Variants in TBL1X observed in about 807,000 individuals in gnomAD.
TBL1X encodes F-box-like/WD repeat-containing protein TBL1X.
Under a neutral mutation model 50.7 loss-of-function variants are expected in TBL1X, and 10 were observed. The observed-to-expected ratio is 0.20, with a 90% CI of 0.12 to 0.33. TBL1X has a LOEUF of 0.33. Ranked by LOEUF, TBL1X falls within the 10% of genes least tolerant of loss-of-function variation. The pLI, the probability that TBL1X is intolerant of heterozygous loss-of-function variation, is 1.00. For missense variants in TBL1X, 340 were observed against 504.4 expected (o/e 0.67, Z 3.12); for synonymous variants, 190 against 214.7 (o/e 0.88, Z 1.01).
chrX:9,492,479 T>G (rs2081949487), intron 1 of TBL1X, among the ~76,000 whole-genome samples: 1 of 112,145 alleles, frequency 8.9e-6, no homozygotes, highest in Non-Finnish European at 1.9e-5. Flanking sequence ...GACTAACAGT[T>G]TCAGATGTCA....
chrX:9,569,185 A>G (rs986493707), intron 2 of TBL1X, among the ~76,000 whole-genome samples: 33 of 93,314 alleles, frequency 3.5e-4, no homozygotes, highest in Admixed American at 1.2e-3. Flanking sequence ...TGTTGTGTCT[A>G]TCTGTGCAGT....
At chrX:9,641,995 C>G (rs181652499) in intron 3 of TBL1X, among the ~76,000 whole-genome samples, 24 of 111,936 alleles carry the variant, frequency 2.1e-4, no homozygotes, top group African/African-American at 7.8e-4. Flanking sequence ...TATGGTACCT[C>G]TGTTGAACAT....
chrX:9,553,601 T>C (rs2082281098), intron 2 of TBL1X, among the ~76,000 whole-genome samples: 1 of 111,527 alleles, frequency 9.0e-6, no homozygotes, highest in Admixed American at 9.5e-5. Context: ...CTGGGACTTT[T>C]GCTAACTGTT....
At chrX:9,708,230 C>T (rs1161734319) in intron 13 of TBL1X, among the ~76,000 whole-genome samples, 1 of 111,845 alleles carries the variant, frequency 8.9e-6, no homozygotes, top group South Asian at 3.8e-4. Flanking sequence ...TCCCTTGGCC[C>T]CTGGGTACAT....
At chrX:9,511,933 TC>T (rs1055226105) in intron 2 of TBL1X, among the ~76,000 whole-genome samples, 3 of 111,599 alleles carry the variant, frequency 2.7e-5, no homozygotes, top group African/African-American at 9.8e-5. Flanking sequence ...CGATCTCAGG[TC>T]ACTGCAGCCT....
At chrX:9,542,370 A>G (rs959185328) in intron 2 of TBL1X, among the ~76,000 whole-genome samples, 2 of 111,342 alleles carry the variant, frequency 1.8e-5, no homozygotes, top group Non-Finnish European at 3.8e-5. Context: ...TTCCAACACC[A>G]TTACAACCGG....
At chrX:9,667,160 G>A (rs1393756987) in intron 5 of TBL1X, among the ~76,000 whole-genome samples, 1 of 111,647 alleles carries the variant, frequency 9.0e-6, no homozygotes, top group African/African-American at 3.3e-5. Flanking sequence ...TACTTGGGAG[G>A]CTGAGGCAGG....
chrX:9,645,835 G>C (rs900396100), intron 3 of TBL1X, among the ~76,000 whole-genome samples: 1 of 111,964 alleles, frequency 8.9e-6, no homozygotes, highest in Non-Finnish European at 1.9e-5. Context: ...GGGTCAAACT[G>C]TAACCTTGTT....
At chrX:9,688,997 CATGCGT>C (rs771947347) in intron 7 of TBL1X, among the ~76,000 whole-genome samples, 20 of 112,323 alleles carry the variant, frequency 1.8e-4, no homozygotes, top group Non-Finnish European at 3.0e-4. Flanking sequence ...AGTGTGTATG[CATGCGT>C]GTGCGTGTAT....
chrX:9,601,939 G>A (rs2082559025), intron 2 of TBL1X, among the ~76,000 whole-genome samples: 1 of 111,250 alleles, frequency 9.0e-6, no homozygotes, highest in Admixed American at 9.6e-5. Context: ...AGCTACTCGG[G>A]AGGCTGAGGC....
In TBL1X at chrX:9,661,290, A is replaced by G. The variant is rs1435585698; in HGVS notation, c.211+6968A>G. Among the ~76,000 whole-genome samples the G allele has an allele frequency of 2.7e-5, 3 of 112,371 alleles. No homozygotes were observed. The East Asian group carries it at 8.4e-4, about 31-fold the overall frequency. ...CTACCCAGTGTGGAGGCCCACGCCT[A>G]TAATCCCAGCACTTTGGGAGGTTGA... On this transcript the variant is annotated intron_variant, in intron 5 of 17. Transcript: ENST00000645353.
chrX:9,596,592 A>AGTAGAAGCACCATCCCTCTTCCACTG (rs2082527530), intron 2 of TBL1X, among the ~76,000 whole-genome samples: 2 of 111,393 alleles, frequency 1.8e-5, no homozygotes, highest in African/African-American at 3.3e-5. Context: ...TGATGCACCC[A>AGTAGAAGCACCATCCCTCTTCCACTG]GTAGAAGCAC....
At position 9,513,039 on chromosome X, in the gene TBL1X, C is replaced by G. The variant is rs1402942452; in HGVS notation, c.-131+11190C>G. ...CCTTTGCTCTGCTTATTCCGAGAAC[C>G]AAGCCTTGGGACTGTGCATTTTGAA... On this transcript the variant is annotated intron_variant, in intron 2 of 17. Transcript: ENST00000645353. Among the ~76,000 whole-genome samples, 8 of 110,827 alleles carry G rather than the reference C, an allele frequency of 7.2e-5. No individual in the cohort carries two copies. In the East Asian group the frequency reaches 2.3e-3, roughly 32 times the overall value.
Position 9,654,180 on chromosome X carries a change from G to A in TBL1X, c.104-35G>A, listed in dbSNP as rs201434884. 23 of 1,132,453 alleles carry A rather than the reference G, an allele frequency of 2.0e-5. No individual in the cohort carries two copies. In the Admixed American group the frequency reaches 5.2e-4, roughly 26 times the overall value. The allele number at this position is 1,132,453 out of a possible 1,213,427, so 93.3% of individuals were successfully genotyped here. ...AAAAAAAAAAAAGAGAAAAATACAA[G>A]CAGTGTTTCAAAACTCTCTTCTCTT... On this transcript the variant is annotated intron_variant, in intron 4 of 17. Transcript: ENST00000645353.
intron 2 of TBL1X, among the ~76,000 whole-genome samples, chrX:9,602,951 C>G (rs1200712510): frequency 8.9e-6 from 1 of 112,326 alleles, no homozygotes; most frequent in Non-Finnish European, 1.9e-5. Context: ...TCGTTGTGAA[C>G]GAGAAGCCCC....
intron 2 of TBL1X, among the ~76,000 whole-genome samples, chrX:9,616,073 C>T (rs1042025800): frequency 1.8e-5 from 2 of 111,726 alleles, no homozygotes; most frequent in Non-Finnish European, 3.8e-5. Flanking sequence ...ATGTACCCCA[C>T]GGATGACACT....
chrX:9,699,753 A>T (rs944493240), intron 12 of TBL1X, among the ~76,000 whole-genome samples: 2 of 111,629 alleles, frequency 1.8e-5, no homozygotes, highest in Admixed American at 9.5e-5. Flanking sequence ...GGGACTCCTC[A>T]TACAGGCAGC....
intron 2 of TBL1X, among the ~76,000 whole-genome samples, chrX:9,596,127 A>G (rs1223158139): frequency 2.7e-5 from 3 of 112,286 alleles, no homozygotes; most frequent in African/African-American, 9.7e-5. Context: ...GGTTTAGCCT[A>G]CTTATGGGAC....
intron 12 of TBL1X, among the ~76,000 whole-genome samples, chrX:9,702,578 C>T (rs982717535): frequency 4.7e-5 from 5 of 105,549 alleles, no homozygotes; most frequent in African/African-American, 7.0e-5. Flanking sequence ...TGCACTCCAG[C>T]CTGGGCAACA....
Sources: gnomAD v4.1 joint callset for allele counts (sites outside exome capture counted in the v4.1 genomes callset) on GRCh38, gnomAD v4.1.1 for gene constraint, MANE v1.5 for transcripts, NCBI Gene and HGNC (gene_info 2026-07-23, HGNC 2026-07-21) for gene names.